The following VCAN variants were observed in gnomAD, a reference collection of about 807,000 sequenced individuals.
VCAN encodes versican core protein.
A neutral mutation model predicts 245.5 loss-of-function variants in VCAN; 44 were observed. The observed-to-expected ratio is 0.18, with a 90% CI of 0.14 to 0.23. The LOEUF (loss-of-function observed/expected upper bound fraction) is 0.23. Ranked by LOEUF, VCAN falls within the 10% of genes least tolerant of loss-of-function variation. VCAN has a pLI of 1.00. For missense variants in VCAN, 3,793 were observed against 4,057.9 expected, an observed-to-expected ratio of 0.93 and a Z score of 1.77; for synonymous variants, 1,413 against 1,437.0, an observed-to-expected ratio of 0.98 and a Z score of 0.38.
intron 7 of VCAN, among the ~76,000 whole-genome samples, chr5:83,534,337 T>A (rs776496762): frequency 2.7e-4 from 41 of 152,088 alleles, no homozygotes; most frequent in Non-Finnish European, 4.7e-4. Flanking sequence ...AATCAGATAT[T>A]TCCTTATTTA....
rs148715382 is a variant in VCAN at position 83,540,377 on chromosome 5, A to G, written c.7374A>G (p.Thr2458=). 108 of 1,613,974 alleles carry G rather than the reference A, an allele frequency of 6.7e-5. No individual in the cohort carries two copies. The African/African-American group carries it at 1.4e-3, about 20-fold the overall frequency. ...CAACCAGACAAGAAAGCAGCACCACATTTGTTTCTGATGGGTCCCTGGAAA... is the reference window on the plus strand; with the variant it reads ...CAACCAGACAAGAAAGCAGCACCACGTTTGTTTCTGATGGGTCCCTGGAAA... ...TQATRQESST[T]FVSDGSLEKH... is the part of the protein sequence containing the mutation. Residue 2458 remains threonine, a synonymous_variant, in exon 8 of 15, where the codon ACA becomes ACG. Transcript: ENST00000265077.
At position 83,537,122 on chromosome 5, in the gene VCAN, T is replaced by A; in HGVS notation, c.4119T>A (p.Pro1373=). The A allele has an allele frequency of 6.2e-7, 1 of 1,613,866 alleles. No individual in the cohort carries two copies. The highest frequency in any genetic ancestry group is 8.5e-7 in the Non-Finnish European group (1 of 1,179,866). Residue 1373 remains proline, a synonymous_variant, in exon 8 of 15, where the codon CCT becomes CCA. Transcript: ENST00000265077. ...PVHDLMAEIL[P]EFPDIIEIDL... ...ATGATCTAATGGCTGAAATTTTACC[T>A]GAATTCCCTGACATAATTGAAATAG...
Position 83,493,797 on chromosome 5 carries a change from T to C in VCAN, c.621-7T>C, listed in dbSNP as rs540853112. ...AAGTGCCACTAACTAGCCATTTATT[T>C]CCCCAGATATCCCATCCGGGCTCCC... On this transcript the variant is annotated splice_region_variant and splice_polypyrimidine_tract_variant and intron_variant, in intron 4 of 14. Coordinates refer to ENST00000265077, the MANE Select transcript of VCAN (RefSeq NM_004385.5). 13 of 1,614,134 alleles carry C rather than the reference T, an allele frequency of 8.1e-6. No individual in the cohort carries two copies. The highest frequency in any genetic ancestry group is 1.1e-5 in the Non-Finnish European group (13 of 1,179,998).
Position 83,521,246 on chromosome 5 carries a change from G to A in VCAN, c.2940G>A (p.Lys980=), listed in dbSNP as rs1746085208. The change falls in exon 7 of 15, where the codon AAG becomes AAA. Residue 980 remains lysine, a synonymous_variant. Transcript: ENST00000265077. ...CCATTCCTCTTTCTGTAATTCCCAAGACAGACTGGGGAGTGTTAGTACCTT... is the reference window on the plus strand; with the variant it reads ...CCATTCCTCTTTCTGTAATTCCCAAAACAGACTGGGGAGTGTTAGTACCTT... ...SHTIPLSVIP[K]TDWGVLVPSV... 1 of 1,614,122 alleles carries A rather than the reference G, an allele frequency of 6.2e-7. No individual in the cohort carries two copies. The highest frequency in any genetic ancestry group is 8.5e-7 in the Non-Finnish European group (1 of 1,179,950).
intron 3 of VCAN, among the ~76,000 whole-genome samples, chr5:83,492,572 A>AC (rs902049916): frequency 1.8e-4 from 27 of 152,016 alleles, no homozygotes; most frequent in African/African-American, 6.0e-4. Context: ...CCAGAGCTCC[A>AC]CCCCCTTGCT....
intron 1 of VCAN, among the ~76,000 whole-genome samples, chr5:83,477,344 A>T (rs1487333875): frequency 6.6e-6 from 1 of 152,170 alleles, no homozygotes; most frequent in Non-Finnish European, 1.5e-5. Flanking sequence ...AGTTTCATTA[A>T]TCAGAAGACA....
chr5:83,514,601 A>G (rs1171377651), intron 6 of VCAN, among the ~76,000 whole-genome samples: 1 of 151,750 alleles, frequency 6.6e-6, no homozygotes, highest in African/African-American at 2.4e-5. Flanking sequence ...GCTGGGTTAT[A>G]GGCATGCGCC....
At position 83,521,203 on chromosome 5, in the gene VCAN, A is replaced by G. The variant is rs769736152; in HGVS notation, c.2897A>G (p.Tyr966Cys). Residue 966 changes from tyrosine (Y) to cysteine (C), a missense_variant, in exon 7 of 15, where the codon TAT becomes TGT. By Grantham distance (194) the Tyr-to-Cys change is radical. This residue lies in a region of VCAN where 3,182 missense variants were observed against 3,250.3 expected (regional missense o/e 0.98). Transcript: ENST00000265077. The stretch of plus-strand genomic sequence containing the variant: ...AGTAGCACCCAAGAGCCTACTACTT[A>G]TGTAGACTCTTCCCATACCATTCCT... The part of the protein sequence containing the change: ...SYSSTQEPTT[Y>C]VDSSHTIPLS... The G allele has an allele frequency of 6.2e-7, 1 of 1,613,826 alleles. No homozygotes were observed. Among genetic ancestry groups the G allele is most frequent in the Non-Finnish European group, 8.5e-7 (1 of 1,179,744 alleles).
At chr5:83,502,872 G>C (rs1247671770) in intron 5 of VCAN, among the ~76,000 whole-genome samples, 1 of 152,038 alleles carries the variant, frequency 6.6e-6, no homozygotes, top group African/African-American at 2.4e-5. Context: ...ATTTGGAGGG[G>C]GCCCTCCTAG....
In VCAN at chr5:83,520,289, T is replaced by A; in HGVS notation, c.1983T>A (p.Asp661Glu). 3.1e-6 allele frequency: 5 copies of A among 1,613,982 alleles called. No individual in the cohort carries two copies. Among genetic ancestry groups the A allele is most frequent in the Non-Finnish European group, 4.2e-6 (5 of 1,179,966 alleles). Residue 661 changes from aspartate to glutamate, a missense_variant, in exon 7 of 15, where the codon GAT (aspartate) becomes GAA (glutamate). Asp to Glu is a conservative substitution (Grantham distance 45). Around this residue, in one of 5 missense-constraint regions of VCAN, gnomAD observed 3,182 missense variants for 3,250.3 expected, o/e 0.98. Coordinates refer to ENST00000265077, the MANE Select transcript of VCAN (RefSeq NM_004385.5). ...TAGAATTGTTTCCTTATTCTGGTGA[T>A]AAAATATTAGTAGAGGGAATTTCCA... The part of the protein sequence containing the change: ...TEIELFPYSG[D>E]KILVEGISTV...
chr5:83,578,029 C>T (rs989440972), intron 13 of VCAN, among the ~76,000 whole-genome samples: 1 of 152,290 alleles, frequency 6.6e-6, no homozygotes, highest in South Asian at 2.1e-4. Flanking sequence ...TTGAATTGAT[C>T]ATTTTTAACC....
At chr5:83,528,333 G>T (rs1746379624) in intron 7 of VCAN, among the ~76,000 whole-genome samples, 1 of 152,146 alleles carries the variant, frequency 6.6e-6, no homozygotes, top group African/African-American at 2.4e-5. Flanking sequence ...CCAGTTATTA[G>T]CCAATTGCTT....
In VCAN at chr5:83,512,366, G is replaced by A. The variant is rs778351592; in HGVS notation, c.1012G>A (p.Asp338Asn). ...FENQTGFPPP[D>N]SRFDAYCFKP... ...GAACCAGACAGGCTTCCCTCCCCCTGATAGCAGATTTGATGCCTACTGCTT... is the reference window on the plus strand; with the variant it reads ...GAACCAGACAGGCTTCCCTCCCCCTAATAGCAGATTTGATGCCTACTGCTT... Residue 338 changes from aspartate to asparagine, a missense_variant, in exon 6 of 15, where the codon GAT becomes AAT. Physicochemically the swap from Asp to Asn is conservative, Grantham distance 23 (BLOSUM62 1). Transcript: ENST00000265077. 2.5e-6 allele frequency: 4 copies of A among 1,611,820 alleles called. No individual in the cohort carries two copies. The highest frequency in any genetic ancestry group is 1.7e-4 in the Middle Eastern group (1 of 6,014).
chr5:83,530,173 GC>G (rs1208722856), intron 7 of VCAN, among the ~76,000 whole-genome samples: 5 of 151,972 alleles, frequency 3.3e-5, no homozygotes, highest in Admixed American at 6.6e-5. Context: ...TTAGCTTTTT[GC>G]TTTTCCTCAG....
rs1427714902 is a variant in VCAN at position 83,552,840 on chromosome 5, AT to A, written c.9494-517del. 4.6e-5 allele frequency among the ~76,000 whole-genome samples: 7 copies of A among 152,194 alleles called. No homozygotes were observed. In the South Asian group the frequency reaches 1.2e-3, roughly 27 times the overall value. ...CCCAAAACGTACCTATTCATAAAGG[AT>A]TTTTTTCTCTTTGTCAGTTTTACAT... On this transcript the variant is annotated intron_variant, in intron 10 of 14. Coordinates refer to ENST00000265077, the MANE Select transcript of VCAN (RefSeq NM_004385.5).
intron 1 of VCAN, among the ~76,000 whole-genome samples, chr5:83,480,522 G>A (rs1446407434): frequency 1.3e-5 from 2 of 152,106 alleles, no homozygotes; most frequent in African/African-American, 2.4e-5. Context: ...TTGTTGGCAC[G>A]GAGTTTCAAA....
rs754873326 is a variant in VCAN, at chr5:83,581,548, G to A, written c.*1114G>A. The A allele has an allele frequency of 3.9e-5, 6 of 152,038 alleles. No individual in the cohort carries two copies. The highest frequency in any genetic ancestry group is 8.8e-5 in the Non-Finnish European group (6 of 68,000). The allele number at this position is 152,038 out of a possible 1,614,324, so 9.4% of individuals were successfully genotyped here. A position where few individuals can be genotyped will look rare whatever the true frequency, so the allele number is the denominator to read the frequency against. On this transcript the variant is annotated 3_prime_UTR_variant, in exon 15 of 15. Coordinates refer to ENST00000265077, the MANE Select transcript of VCAN (RefSeq NM_004385.5). ...GCCTTTTACTTTCCTCACACAATTT[G>A]GAATCATATAATATAGGTACTTTGT...
At chr5:83,504,679 G>A (rs1255657254) in intron 5 of VCAN, among the ~76,000 whole-genome samples, 1 of 152,154 alleles carries the variant, frequency 6.6e-6, no homozygotes, top group Non-Finnish European at 1.5e-5. Context: ...ACTGCGCCCA[G>A]CCTGATGAAT....
intron 13 of VCAN, among the ~76,000 whole-genome samples, chr5:83,573,979 C>A (rs915559744): frequency 6.6e-6 from 1 of 152,066 alleles, no homozygotes; most frequent in Non-Finnish European, 1.5e-5. Flanking sequence ...TATTGAGAAC[C>A]AAGGAAGCTG....
Sources: allele counts gnomAD v4.1 joint callset (sites outside exome capture counted in the v4.1 genomes callset), GRCh38; gene constraint gnomAD v4.1.1; regional missense constraint gnomAD v4.1.1; transcripts MANE v1.5; gene names NCBI Gene and HGNC (gene_info 2026-07-23, HGNC 2026-07-21).